OPRM1: variants seen among roughly 807,000 people sequenced by gnomAD.
OPRM1 encodes opioid receptor mu 1.
A neutral mutation model predicts 31.8 loss-of-function variants in OPRM1; 27 were observed. The observed-to-expected ratio is 0.85, with a 90% CI of 0.63 to 1.17. The LOEUF is 1.17. OPRM1 is among the 50% of genes most tolerant of loss of function. The probability of loss-of-function intolerance (pLI) is 0.00; values close to 1 mark genes in which losing one functional copy is unlikely to be tolerated. For missense variants in OPRM1, 536 were observed against 511.1 expected (o/e 1.05, Z -0.47); for synonymous variants, 196 against 189.9 (o/e 1.03, Z -0.26).
chr6:154,106,856 A>G (rs1300607265), intron 3 of OPRM1, among the ~76,000 whole-genome samples: 1 of 152,238 alleles, frequency 6.6e-6, no homozygotes, highest in Non-Finnish European at 1.5e-5. Context: ...TAAAGCATTT[A>G]GCAAATCTGA....
chr6:154,173,350 G>T (rs1462746180), intron 3 of OPRM1, among the ~76,000 whole-genome samples: 1 of 152,144 alleles, frequency 6.6e-6, no homozygotes, highest in African/African-American at 2.4e-5. Context: ...GGCTTCAGAA[G>T]GTGGGTAATA....
chr6:154,205,423 T>G (rs887992254), intron 3 of OPRM1, among the ~76,000 whole-genome samples: 44 of 152,220 alleles, frequency 2.9e-4, no homozygotes, highest in Admixed American at 8.5e-4. Flanking sequence ...GGTGAAACCC[T>G]GTCTCTACTA....
intron 3 of OPRM1, chr6:154,199,561 A>C: frequency 7.7e-7 from 1 of 1,290,596 alleles, no homozygotes; most frequent in South Asian, 1.5e-5. Flanking sequence ...CTAATTATTG[A>C]ATCATCATTC....
intron 3 of OPRM1, among the ~76,000 whole-genome samples, chr6:154,235,167 G>A (rs1162812260): frequency 6.6e-6 from 1 of 152,244 alleles, no homozygotes; most frequent in Admixed American, 6.5e-5. Context: ...CGAGTTGGGA[G>A]AAGAATAGAT....
intron 3 of OPRM1, among the ~76,000 whole-genome samples, chr6:154,179,376 T>C (rs1800638047): frequency 6.6e-6 from 1 of 152,196 alleles, no homozygotes; most frequent in Non-Finnish European, 1.5e-5. Context: ...TAGAATTTCA[T>C]AGTAGAAAAC....
chr6:154,139,832 C>T (rs964239097), intron 3 of OPRM1, among the ~76,000 whole-genome samples: 5 of 152,050 alleles, frequency 3.3e-5, no homozygotes, highest in East Asian at 1.9e-4. Flanking sequence ...ATCTTCTCCA[C>T]GGTATATGAA....
chr6:154,189,015 C>A (rs1455588879), intron 3 of OPRM1, among the ~76,000 whole-genome samples: 1 of 152,046 alleles, frequency 6.6e-6, no homozygotes, highest in Non-Finnish European at 1.5e-5. Context: ...TTAAAAGATA[C>A]TACTTTACAA....
intron 1 of OPRM1, among the ~76,000 whole-genome samples, chr6:154,022,161 G>A (rs114076027): frequency 0.046 from 7,048 of 152,252 alleles, 315 homozygotes; most frequent in Admixed American, 0.15. Flanking sequence ...TCTAACACTA[G>A]TTTGCTGAGA....
In OPRM1 at chr6:154,129,584, A is replaced by G. The variant is rs1797773714; in HGVS notation, c.*10863A>G. On this transcript the variant is annotated 3_prime_UTR_variant, in exon 4 of 4. Transcript: ENST00000330432. ...CAGAAAATCATAATGGAAAAACTAA[A>G]ATGTCAATAATAATTTCAGATGTGT... Among the ~76,000 whole-genome samples the G allele has an allele frequency of 1.3e-5, 2 of 152,346 alleles. No homozygotes were observed. Among genetic ancestry groups the G allele is most frequent in the East Asian group, 1.9e-4 (1 of 5,192 alleles).
intron 1 of OPRM1, among the ~76,000 whole-genome samples, chr6:154,078,437 G>GA (rs1788348429): frequency 6.6e-6 from 1 of 152,130 alleles, no homozygotes; most frequent in Admixed American, 6.5e-5. Context: ...CCAAGAAAGG[G>GA]AAAAAGAACC....
At chr6:154,246,447 G>A (rs1288468196) in intron 3 of OPRM1, 2 of 936,018 alleles carry the variant, frequency 2.1e-6, no homozygotes, top group East Asian at 5.0e-5. Flanking sequence ...TACTGCACCA[G>A]AAATGGCTTC....
chr6:154,102,081 G>A (rs781664411), intron 3 of OPRM1, among the ~76,000 whole-genome samples: 1 of 151,946 alleles, frequency 6.6e-6, no homozygotes, highest in Non-Finnish European at 1.5e-5. Flanking sequence ...CTAAAACTAT[G>A]GGCACACACC....
intron 1 of OPRM1, among the ~76,000 whole-genome samples, chr6:154,040,498 A>G (rs961171778): frequency 6.6e-6 from 1 of 152,198 alleles, no homozygotes; most frequent in Non-Finnish European, 1.5e-5. Context: ...CCTCTGTTAT[A>G]ACAAACATGA....
chr6:154,042,346 T>A (rs1277048177), intron 1 of OPRM1, among the ~76,000 whole-genome samples: 1 of 152,228 alleles, frequency 6.6e-6, no homozygotes, highest in Non-Finnish European at 1.5e-5. Context: ...AGGGATGTAT[T>A]GTCCTTGCTA....
At chr6:154,228,414 C>T (rs903334952) in intron 3 of OPRM1, among the ~76,000 whole-genome samples, 46 of 152,190 alleles carry the variant, frequency 3.0e-4, no homozygotes, top group African/African-American at 1.1e-3. Flanking sequence ...TCAAACCCAT[C>T]GTTTGGCCAT....
At chr6:154,085,391 A>G (rs976508347) in intron 1 of OPRM1, among the ~76,000 whole-genome samples, 3 of 152,184 alleles carry the variant, frequency 2.0e-5, no homozygotes, top group Admixed American at 6.5e-5. Flanking sequence ...AATTTTTTTC[A>G]AAAACGAATA....
At chr6:154,083,301 G>T (rs1789600373) in intron 1 of OPRM1, among the ~76,000 whole-genome samples, 1 of 152,108 alleles carries the variant, frequency 6.6e-6, no homozygotes, top group Non-Finnish European at 1.5e-5. Context: ...TAAAGAAGAA[G>T]GCAGGCCAAT....
chr6:154,076,761 T>G (rs56057728), intron 1 of OPRM1, among the ~76,000 whole-genome samples: 7,782 of 152,268 alleles, frequency 0.051, 239 homozygotes, highest in East Asian at 0.093. Flanking sequence ...GCCAAGCAAA[T>G]GTTTCTTTGC....
intron 1 of OPRM1, among the ~76,000 whole-genome samples, chr6:154,026,060 T>C (rs1056022901): frequency 2.0e-5 from 3 of 152,154 alleles, no homozygotes; most frequent in Non-Finnish European, 4.4e-5. Flanking sequence ...TGATTTCTTT[T>C]TGTTCATTAA....
Sources: gnomAD v4.1 joint callset for allele counts (sites outside exome capture counted in the v4.1 genomes callset) on GRCh38, gnomAD v4.1.1 for gene constraint, MANE v1.5 for transcripts, NCBI Gene and HGNC (gene_info 2026-07-23, HGNC 2026-07-21) for gene names.